Variants in CPA6 observed in about 807,000 individuals in gnomAD.
The protein encoded by CPA6 is carboxypeptidase B.
Under a neutral mutation model 63.3 loss-of-function variants are expected in CPA6, and 58 were observed. The ratio of observed to expected loss-of-function variants is 0.92; its 90% CI spans 0.74 to 1.14. The LOEUF is 1.14. CPA6 is among the 50% of genes most tolerant of loss of function. The pLI is 0.00. For synonymous variants in CPA6, 185 were observed against 179.0 expected (o/e 1.03, Z -0.27); for missense variants, 565 against 526.6 (o/e 1.07, Z -0.71).
intron 1 of CPA6, among the ~76,000 whole-genome samples, chr8:67,741,697 G>A (rs748080340): frequency 6.6e-6 from 1 of 152,166 alleles, no homozygotes; most frequent in Non-Finnish European, 1.5e-5. Flanking sequence ...AATTTCTGAT[G>A]ATACGTCACT....
At chr8:67,745,403 T>A (rs189841367) in intron 1 of CPA6, among the ~76,000 whole-genome samples, 1 of 152,336 alleles carries the variant, frequency 6.6e-6, no homozygotes, top group Non-Finnish European at 1.5e-5. Context: ...ATAGAAAGCA[T>A]GCTTACCTAC....
At chr8:67,652,391 T>C (rs1378124153) in intron 1 of CPA6, among the ~76,000 whole-genome samples, 6 of 152,104 alleles carry the variant, frequency 3.9e-5, no homozygotes, top group African/African-American at 7.2e-5. Context: ...TCTCCACATC[T>C]TCTCCAGCAC....
At chr8:67,734,102 T>C (rs1478554155) in intron 1 of CPA6, among the ~76,000 whole-genome samples, 3 of 151,630 alleles carry the variant, frequency 2.0e-5, no homozygotes, top group Non-Finnish European at 4.4e-5. Context: ...GGTCTCCAAC[T>C]CCTGGGCTCA....
intron 2 of CPA6, among the ~76,000 whole-genome samples, chr8:67,538,665 T>C (rs886311759): frequency 6.6e-6 from 1 of 151,994 alleles, no homozygotes; most frequent in Non-Finnish European, 1.5e-5. Flanking sequence ...TGTCAGTCTG[T>C]GTCTTTTTTT....
In CPA6 at chr8:67,517,927, A is replaced by T; in HGVS notation, c.313T>A (p.Tyr105Asn). ...LAFLQEANIQYKVLIEDLQKT... is the reference protein window; with the variant it reads ...LAFLQEANIQNKVLIEDLQKT... ...CAAGTGAAAAGGAATGCTTACTTGTACTGGATGTTGGCTTCCTGTAAGAAG... is the reference window on the plus strand; with the variant it reads ...CAAGTGAAAAGGAATGCTTACTTGTTCTGGATGTTGGCTTCCTGTAAGAAG... Residue 105 changes from tyrosine to asparagine, a missense_variant, in exon 3 of 11, where the codon TAC (tyrosine) becomes AAC (asparagine). Physicochemically the swap from Tyr to Asn is moderately radical, Grantham distance 143 (BLOSUM62 -2). Transcript: ENST00000297770. 6.2e-7 allele frequency: 1 copy of T among 1,608,392 alleles called. No homozygotes were observed. Among genetic ancestry groups the T allele is most frequent in the Non-Finnish European group, 8.5e-7 (1 of 1,178,156 alleles).
chr8:67,498,535 C>CAAAAAAAAAAA (rs397940852), intron 6 of CPA6, among the ~76,000 whole-genome samples: 4 of 33,192 alleles, frequency 1.2e-4, no homozygotes, highest in African/African-American at 2.3e-4. Flanking sequence ...GACTCCATCT[C>CAAAAAAAAAAA]AAAAAAAAAA....
chr8:67,632,485 A>T (rs182238966), intron 1 of CPA6, among the ~76,000 whole-genome samples: 96 of 151,748 alleles, frequency 6.3e-4, no homozygotes, highest in Non-Finnish European at 7.7e-4. Flanking sequence ...TTAAAAAAAA[A>T]TTTTTTTTAG....
intron 2 of CPA6, among the ~76,000 whole-genome samples, chr8:67,559,767 A>G (rs1251112533): frequency 6.6e-6 from 1 of 152,018 alleles, no homozygotes; most frequent in Non-Finnish European, 1.5e-5. Context: ...CCATTCAGAG[A>G]AGGCAACAAG....
At chr8:67,462,029 T>C (rs1587452523) in intron 8 of CPA6, among the ~76,000 whole-genome samples, 1 of 152,196 alleles carries the variant, frequency 6.6e-6, no homozygotes, top group African/African-American at 2.4e-5. Context: ...CACTGACTTA[T>C]TTTTACTGTT....
intron 2 of CPA6, among the ~76,000 whole-genome samples, chr8:67,540,658 G>A (rs1458471135): frequency 6.6e-6 from 1 of 152,236 alleles, no homozygotes; most frequent in African/African-American, 2.4e-5. Flanking sequence ...TTATCTATAA[G>A]CCCCTTACTG....
At chr8:67,567,444 G>C (rs781364688) in intron 2 of CPA6, among the ~76,000 whole-genome samples, 1 of 152,182 alleles carries the variant, frequency 6.6e-6, no homozygotes, top group Admixed American at 6.5e-5. Context: ...AAACATAGGA[G>C]TTTTGCCATC....
At chr8:67,459,996 AAAG>A (rs1327594546) in intron 8 of CPA6, among the ~76,000 whole-genome samples, 2 of 150,784 alleles carry the variant, frequency 1.3e-5, no homozygotes, top group African/African-American at 2.4e-5. Flanking sequence ...AAACTGCTCT[AAAG>A]AAGTAAAGTC....
intron 8 of CPA6, among the ~76,000 whole-genome samples, chr8:67,442,303 G>GA (rs1402213516): frequency 6.6e-6 from 1 of 151,570 alleles, no homozygotes; most frequent in Non-Finnish European, 1.5e-5. Flanking sequence ...AAAGGTAACA[G>GA]AAAAAATCAA....
chr8:67,596,153 T>C (rs752135533), intron 2 of CPA6, among the ~76,000 whole-genome samples: 2 of 152,248 alleles, frequency 1.3e-5, no homozygotes, highest in African/African-American at 2.4e-5. Context: ...CTCCATTGAT[T>C]TGGAAGTTAT....
chr8:67,746,315 A>G lies in CPA6; in HGVS notation c.-186T>C, dbSNP rs1818011789. 2.1e-6 allele frequency: 1 copy of G among 470,628 alleles called. No individual in the cohort carries two copies. Among genetic ancestry groups the G allele is most frequent in the Non-Finnish European group, 3.9e-6 (1 of 258,858 alleles). 29.2% of individuals were successfully genotyped at this position (470,628 alleles called of 1,614,324 possible). Reference sequence around the variant, plus strand: ...AAAAAAAAGTTCAGGCAGCTGAGGAAGGGAAGTTGCTATTACGACTTGGTC... The same window carrying G: ...AAAAAAAAGTTCAGGCAGCTGAGGAGGGGAAGTTGCTATTACGACTTGGTC... On this transcript the variant is annotated 5_prime_UTR_variant, in exon 1 of 11. Coordinates refer to ENST00000297770, the MANE Select transcript of CPA6 (RefSeq NM_020361.5).
chr8:67,595,689 G>T (rs191726014), intron 2 of CPA6, among the ~76,000 whole-genome samples: 5 of 152,234 alleles, frequency 3.3e-5, no homozygotes, highest in African/African-American at 4.8e-5. Context: ...TTCCGAGCCA[G>T]GTGCGGGATA....
intron 1 of CPA6, among the ~76,000 whole-genome samples, chr8:67,721,639 T>C (rs981487950): frequency 6.6e-6 from 1 of 152,182 alleles, no homozygotes; most frequent in Non-Finnish European, 1.5e-5. Flanking sequence ...ATACTTTCTA[T>C]GGCAAGGCTG....
At chr8:67,661,737 G>A (rs1477610847) in intron 1 of CPA6, among the ~76,000 whole-genome samples, 2 of 152,114 alleles carry the variant, frequency 1.3e-5, no homozygotes, top group Non-Finnish European at 2.9e-5. Flanking sequence ...GAGCAAGCAG[G>A]GATAGAGAGA....
rs139786443 is a variant in CPA6 at position 67,696,016 on chromosome 8, C to A, written c.116+49998G>T. On this transcript the variant is annotated intron_variant, in intron 1 of 10. Transcript: ENST00000297770. ...ACTGGAAGTTAAGACTGCCACCTGG[C>A]CACTTTGGGCTCCTGGTGCCTCTGA... 6.4e-3 allele frequency among the ~76,000 whole-genome samples: 971 copies of A among 152,208 alleles called. 11 individuals are homozygous for A. The highest frequency in any genetic ancestry group is 0.021 in the African/African-American group (865 of 41,522).
Sources: allele counts gnomAD v4.1 joint callset (sites outside exome capture counted in the v4.1 genomes callset), GRCh38; gene constraint gnomAD v4.1.1; transcripts MANE v1.5; gene names NCBI Gene and HGNC (gene_info 2026-07-23, HGNC 2026-07-21).